FDX1: variants seen among roughly 807,000 people sequenced by gnomAD.
FDX1 encodes the protein adrenodoxin, mitochondrial.
A neutral mutation model predicts 14.9 loss-of-function variants in FDX1; 9 were observed. The ratio of observed to expected loss-of-function variants is 0.60; its 90% CI spans 0.36 to 1.05. The LOEUF (loss-of-function observed/expected upper bound fraction) is 1.05. Ranked by LOEUF, FDX1 falls within the 50% of genes least tolerant of loss-of-function variation. The pLI, the probability that FDX1 is intolerant of heterozygous loss-of-function variation, is 0.01. For synonymous variants in FDX1, 92 were observed against 99.4 expected, an observed-to-expected ratio of 0.93 and a Z score of 0.44; for missense variants, 204 against 237.2, an observed-to-expected ratio of 0.86 and a Z score of 0.92.
At chr11:110,437,074 CAG>C in intron 2 of FDX1, among the ~76,000 whole-genome samples, 1 of 152,210 alleles carries the variant, frequency 6.6e-6, no homozygotes, top group Non-Finnish European at 1.5e-5. Context: ...CAGTTCACTG[CAG>C]CCTCGACCTC....
chr11:110,462,166 T>C (rs977086287), intron 3 of FDX1, among the ~76,000 whole-genome samples, 188 bp from the exon 4 acceptor site: 2 of 152,334 alleles, frequency 1.3e-5, no homozygotes, highest in South Asian at 2.1e-4. Context: ...TGTATTCATA[T>C]TTACCTTTTG....
intron 2 of FDX1, among the ~76,000 whole-genome samples, chr11:110,444,931 AGAACCTTCCTGG>A (rs1010647038): frequency 6.6e-6 from 1 of 151,462 alleles, no homozygotes; most frequent in African/African-American, 2.4e-5. Flanking sequence ...GGCAAAGCTA[AGAACCTTCCTGG>A]GCTAAGCCCC....
chr11:110,435,155 G>A (rs1298509762), intron 1 of FDX1, among the ~76,000 whole-genome samples: 1 of 151,846 alleles, frequency 6.6e-6, no homozygotes, highest in Non-Finnish European at 1.5e-5. Flanking sequence ...GGGCTCAAGG[G>A]ATCCTCCCGT....
At chr11:110,444,687 C>CGTATATATATATATACGT (rs1946431823) in intron 2 of FDX1, among the ~76,000 whole-genome samples, 1 of 29,530 alleles carries the variant, frequency 3.4e-5, no homozygotes, top group African/African-American at 2.1e-4. Context: ...TATATATACA[C>CGTATATATATATATACGT]GTATATATAT....
chr11:110,443,438 C>CTTTTTT (rs1204500783), intron 2 of FDX1, among the ~76,000 whole-genome samples: 1 of 132,450 alleles, frequency 7.6e-6, no homozygotes, highest in Non-Finnish European at 1.6e-5. Context: ...TAATAATATC[C>CTTTTTT]TTTTTTTTTT....
chr11:110,450,624 G>A (rs1946480333), intron 2 of FDX1, among the ~76,000 whole-genome samples: 1 of 152,190 alleles, frequency 6.6e-6, no homozygotes, highest in Non-Finnish European at 1.5e-5. Flanking sequence ...TTCTACTTAA[G>A]TATATTTTAA....
intron 3 of FDX1, among the ~76,000 whole-genome samples, chr11:110,460,029 A>G (rs1386998468): frequency 9.2e-5 from 14 of 152,202 alleles, no homozygotes. Flanking sequence ...GAAGACCAGC[A>G]TCATCTTGCT....
chr11:110,462,429 T>C lies in FDX1; in HGVS notation c.516T>C (p.Ala172=). 1.9e-6 allele frequency: 3 copies of C among 1,602,422 alleles called. No homozygotes were observed. The highest frequency in any genetic ancestry group is 2.6e-6 in the Non-Finnish European group (3 of 1,169,532). Residue 172 remains alanine (A), a synonymous_variant, in exon 4 of 4, where the codon GCT becomes GCC. Transcript: ENST00000260270. ...CTGTTCGAGTGCCTGAAACAGTGGC[T>C]GATGCCAGACAATCCATTGATGTGG... ...NMTVRVPETV[A]DARQSIDVGK...
At chr11:110,438,163 G>T (rs547408751) in intron 2 of FDX1, among the ~76,000 whole-genome samples, 1 of 152,266 alleles carries the variant, frequency 6.6e-6, no homozygotes, top group African/African-American at 2.4e-5. Flanking sequence ...GGATTGCTTG[G>T]TTGAATGGTA....
rs537833710 is a variant in FDX1 at position 110,464,825 on chromosome 11, TTTAA to T, written c.*2360_*2363del. ...TCAAATTAGAAAAGTTCAAATGAAG[TTTAA>T]TTGTGTTATTTTATAAAACCTTCTA... On this transcript the variant is annotated 3_prime_UTR_variant, in exon 4 of 4. Coordinates refer to ENST00000260270, the MANE Select transcript of FDX1 (RefSeq NM_004109.5). 2.5e-4 allele frequency: 38 copies of T among 152,248 alleles called. No individual in the cohort carries two copies. The highest frequency in any genetic ancestry group is 3.4e-3 in the Middle Eastern group (1 of 294). 9.4% of individuals were successfully genotyped at this position (152,248 alleles called of 1,614,324 possible).
intron 1 of FDX1, among the ~76,000 whole-genome samples, chr11:110,434,530 G>A (rs2724401): frequency 0.99 from 150,546 of 151,850 alleles, 74,633 homozygotes; most frequent in East Asian, 1. Flanking sequence ...ACGGGGTTTC[G>A]CCATGTTGGC....
intron 2 of FDX1, among the ~76,000 whole-genome samples, chr11:110,447,885 T>C (rs1946461803): frequency 6.6e-6 from 1 of 152,238 alleles, no homozygotes; most frequent in Non-Finnish European, 1.5e-5. Flanking sequence ...TATGTATTTC[T>C]TGTGTATCTT....
At chr11:110,438,539 C>T (rs1368616086) in intron 2 of FDX1, among the ~76,000 whole-genome samples, 4 of 152,112 alleles carry the variant, frequency 2.6e-5, no homozygotes, top group African/African-American at 7.2e-5. Context: ...GATTCTCCTG[C>T]CTCAGTCTCC....
chr11:110,438,091 T>G lies in FDX1; in HGVS notation c.310+2133T>G, dbSNP rs189460345. Reference sequence around the variant, plus strand: ...ATTATGAATAGTGCTGAGGTAAACATACGAGAGCATGTGTCTTTTGGTAGA... The same window carrying G: ...ATTATGAATAGTGCTGAGGTAAACAGACGAGAGCATGTGTCTTTTGGTAGA... On this transcript the variant is annotated intron_variant, in intron 2 of 3. Coordinates refer to ENST00000260270, the MANE Select transcript of FDX1 (RefSeq NM_004109.5). Among the ~76,000 whole-genome samples, 11 of 152,356 alleles carry G rather than the reference T, an allele frequency of 7.2e-5. No homozygotes were observed. In the East Asian group the frequency reaches 2.1e-3, roughly 29 times the overall value.
chr11:110,444,706 G>GTATATA (rs1196710627), intron 2 of FDX1, among the ~76,000 whole-genome samples: 1 of 30,844 alleles, frequency 3.2e-5, no homozygotes, highest in South Asian at 9.2e-4. Flanking sequence ...ATATATATAC[G>GTATATA]TATATATATA....
rs1035710539 is a variant in FDX1, at chr11:110,429,966, G to T, written c.-155G>T. 2.4e-6 allele frequency: 1 copy of T among 422,290 alleles called. No homozygotes were observed. The highest frequency in any genetic ancestry group is 3.8e-6 in the Non-Finnish European group (1 of 261,130). The allele number at this position is 422,290 out of a possible 1,614,324, so 26.2% of individuals were successfully genotyped here. A position where few individuals can be genotyped will look rare whatever the true frequency, so the allele number is the denominator to read the frequency against. ...GGAAGGCACGCGGAACCTCGGCGCG[G>T]TGCTTCCAGCAGGGTCTCTCCGCCA... is the stretch of plus-strand genomic sequence containing the variant. On this transcript the variant is annotated 5_prime_UTR_variant, in exon 1 of 4. Coordinates refer to ENST00000260270, the MANE Select transcript of FDX1 (RefSeq NM_004109.5).
chr11:110,456,438 C>A (rs140278804), intron 2 of FDX1, among the ~76,000 whole-genome samples: 1 of 150,534 alleles, frequency 6.6e-6, no homozygotes, highest in African/African-American at 2.4e-5. Flanking sequence ...TGTGTGCATG[C>A]GTGTGCATGT....
chr11:110,433,469 ATGG>A (rs892810156), intron 1 of FDX1, among the ~76,000 whole-genome samples: 1 of 152,150 alleles, frequency 6.6e-6, no homozygotes, highest in African/African-American at 2.4e-5. Flanking sequence ...TCTTATGTAG[ATGG>A]TCACTAAAAC....
intron 3 of FDX1, among the ~76,000 whole-genome samples, chr11:110,458,220 A>G (rs1045216963): frequency 5.9e-5 from 9 of 152,222 alleles, no homozygotes; most frequent in African/African-American, 2.2e-4. Flanking sequence ...GAAAGGGAAA[A>G]GGGAGAGCTA....
Sources: gnomAD v4.1 joint callset for allele counts (sites outside exome capture counted in the v4.1 genomes callset) on GRCh38, gnomAD v4.1.1 for gene constraint, MANE v1.5 for transcripts, NCBI Gene and HGNC (gene_info 2026-07-23, HGNC 2026-07-21) for gene names.